ZNF148: variants seen among roughly 807,000 people sequenced by gnomAD.
The protein encoded by ZNF148 is Beta-Enolase Repressor Factor-1.
In ZNF148, 7 loss-of-function variants were observed where a neutral mutation model predicts 67.7. The observed-to-expected ratio is 0.10, with a 90% CI of 0.06 to 0.19. The LOEUF (loss-of-function observed/expected upper bound fraction) is 0.19, where lower values mean the gene tolerates loss of function less well. Ranked by LOEUF, ZNF148 falls within the 10% of genes least tolerant of loss-of-function variation. ZNF148 has a pLI of 1.00. For synonymous variants in ZNF148, 333 were observed against 330.7 expected, an observed-to-expected ratio of 1.01 and a Z score of -0.08; for missense variants, 583 against 947.1, an observed-to-expected ratio of 0.62 and a Z score of 5.05.
intron 4 of ZNF148, among the ~76,000 whole-genome samples, chr3:125,307,265 C>T (rs1465946522): frequency 6.6e-6 from 1 of 151,524 alleles, no homozygotes; most frequent in Non-Finnish European, 1.5e-5. Context: ...TCATTTCAAT[C>T]GATGCAGAAG....
intron 1 of ZNF148, among the ~76,000 whole-genome samples, chr3:125,365,153 CAT>C (rs1942662949): frequency 6.6e-6 from 1 of 152,206 alleles, no homozygotes; most frequent in African/African-American, 2.4e-5. Flanking sequence ...CGGACTGTGT[CAT>C]ATATAAACAT....
intron 1 of ZNF148, among the ~76,000 whole-genome samples, chr3:125,341,567 G>A (rs749228645): frequency 1.6e-4 from 24 of 151,968 alleles, no homozygotes; most frequent in Non-Finnish European, 3.2e-4. Flanking sequence ...GCGGTAGTGA[G>A]CTGTGATCAC....
chr3:125,272,574 CAAAAA>C (rs994557826), intron 7 of ZNF148, among the ~76,000 whole-genome samples: 27 of 151,260 alleles, frequency 1.8e-4, no homozygotes, highest in African/African-American at 6.3e-4. Flanking sequence ...TCCTCCTAAA[CAAAAA>C]AAATTTAAGT....
At chr3:125,245,947 G>T (rs530562704) in intron 7 of ZNF148, among the ~76,000 whole-genome samples, 6 of 152,262 alleles carry the variant, frequency 3.9e-5, no homozygotes, top group African/African-American at 1.4e-4. Flanking sequence ...CCTTTCTTGT[G>T]TCTGACCTGT....
intron 1 of ZNF148, chr3:125,344,492 C>A (rs1218476546): frequency 6.9e-6 from 8 of 1,152,344 alleles, no homozygotes; most frequent in Non-Finnish European, 1.0e-5. Flanking sequence ...CAAAAAAATT[C>A]CCTGAAGACA....
Position 125,232,966 on chromosome 3 carries a change from A to G in ZNF148, c.1760T>C (p.Val587Ala), listed in dbSNP as rs757785942. The G allele has an allele frequency of 2.6e-5, 42 of 1,613,868 alleles. 2 individuals carry two copies. In the South Asian group the frequency reaches 3.7e-4, roughly 14 times the overall value. ...EVPEVTPSEN[V>A]GSSSQASSSD... ...TGAGGATGCTTGGGAGCTTGATCCAACATTCTCTGACGGGGTGACCTCTGG... is the reference window on the plus strand; with the variant it reads ...TGAGGATGCTTGGGAGCTTGATCCAGCATTCTCTGACGGGGTGACCTCTGG... Residue 587 changes from valine to alanine, a missense_variant, in exon 9 of 9, where the codon GTT (valine) becomes GCT (alanine). By Grantham distance (64) the Val-to-Ala change is moderately conservative (BLOSUM62 0). Coordinates refer to ENST00000360647, the MANE Select transcript of ZNF148 (RefSeq NM_021964.3). The surrounding 1 kb of genome is among the most constrained non-coding windows in gnomAD (Gnocchi z 4.2).
At chr3:125,240,268 C>T (rs890986126) in intron 7 of ZNF148, among the ~76,000 whole-genome samples, 4 of 151,962 alleles carry the variant, frequency 2.6e-5, no homozygotes, top group African/African-American at 7.3e-5. Flanking sequence ...ATGAGGCAGG[C>T]GGATCACTTA....
intron 5 of ZNF148, among the ~76,000 whole-genome samples, chr3:125,284,554 G>T (rs1290468465): frequency 6.6e-6 from 1 of 151,890 alleles, no homozygotes; most frequent in Admixed American, 6.6e-5. Flanking sequence ...TCTCCTAGAG[G>T]GCTTCAACTG....
At chr3:125,299,697 A>G (rs992606130) in intron 4 of ZNF148, among the ~76,000 whole-genome samples, 9 of 152,316 alleles carry the variant, frequency 5.9e-5, no homozygotes, top group Middle Eastern at 3.4e-3. Context: ...TGATTCATCT[A>G]CTTGCCTGTT....
At chr3:125,337,572 A>G (rs1430081048) in intron 1 of ZNF148, among the ~76,000 whole-genome samples, 1 of 152,224 alleles carries the variant, frequency 6.6e-6, no homozygotes, top group Non-Finnish European at 1.5e-5. Flanking sequence ...ATGATGATCA[A>G]GATCACCCAG....
At chr3:125,347,355 T>C (rs891968394) in intron 1 of ZNF148, among the ~76,000 whole-genome samples, 2 of 152,128 alleles carry the variant, frequency 1.3e-5, no homozygotes, top group East Asian at 1.9e-4. Flanking sequence ...TCATATGGAA[T>C]TGCAAAGGAC....
chr3:125,262,201 T>A (rs1052926990), intron 7 of ZNF148, among the ~76,000 whole-genome samples: 4 of 152,222 alleles, frequency 2.6e-5, no homozygotes, highest in Non-Finnish European at 5.9e-5. Flanking sequence ...TATCAAGCAT[T>A]ATTCACCACT....
intron 6 of ZNF148, 113 bp from the exon 7 acceptor site, chr3:125,277,922 T>C (rs1313550541): frequency 1.1e-5 from 8 of 709,942 alleles, no homozygotes; most frequent in Admixed American, 6.9e-5. Flanking sequence ...AATTACAAAA[T>C]AGCCATACAA....
chr3:125,294,433 A>G (rs1366260384), intron 4 of ZNF148, among the ~76,000 whole-genome samples: 1 of 152,212 alleles, frequency 6.6e-6, no homozygotes, highest in Non-Finnish European at 1.5e-5. Flanking sequence ...ACATTAGGGG[A>G]AGCTGTGTGA....
intron 1 of ZNF148, among the ~76,000 whole-genome samples, chr3:125,350,423 G>A (rs112606212): frequency 2.0e-4 from 31 of 152,192 alleles, no homozygotes; most frequent in African/African-American, 6.7e-4. Context: ...CCTTGGCCTC[G>A]GCCTCCCCAG....
Position 125,230,859 on chromosome 3 carries a change from CT to C in ZNF148, c.*1481del, listed in dbSNP as rs753022505. On this transcript the variant is annotated 3_prime_UTR_variant, in exon 9 of 9. Coordinates refer to ENST00000360647, the MANE Select transcript of ZNF148 (RefSeq NM_021964.3). ...AAAAGTTGTAACAAAGAGTCAATAACTAATATAACTTCCAAAAATCAAAACT... is the reference window on the plus strand; with the variant it reads ...AAAAGTTGTAACAAAGAGTCAATAACAATATAACTTCCAAAAATCAAAACT... 2 of 152,012 alleles carry C rather than the reference CT, an allele frequency of 1.3e-5. No homozygotes were observed. The highest frequency in any genetic ancestry group is 2.4e-5 in the African/African-American group (1 of 41,372). The allele number at this position is 152,012 out of a possible 1,614,324, so 9.4% of individuals were successfully genotyped here. A position where few individuals can be genotyped will look rare whatever the true frequency, so the allele number is the denominator to read the frequency against.
chr3:125,313,009 C>A (rs538492921), intron 4 of ZNF148, among the ~76,000 whole-genome samples: 2 of 152,228 alleles, frequency 1.3e-5, no homozygotes, highest in Non-Finnish European at 2.9e-5. Context: ...AAATGTTTTA[C>A]TCTTTAAGGA....
chr3:125,327,027 T>C (rs750867903), intron 2 of ZNF148, among the ~76,000 whole-genome samples: 1 of 151,766 alleles, frequency 6.6e-6, no homozygotes, highest in African/African-American at 2.4e-5. Context: ...CAACAAGACA[T>C]ATCCTACATT....
At chr3:125,358,351 T>G (rs557363947) in intron 1 of ZNF148, among the ~76,000 whole-genome samples, 1 of 152,264 alleles carries the variant, frequency 6.6e-6, no homozygotes, top group African/African-American at 2.4e-5. Context: ...ATAAATCACT[T>G]CCATGATATC....
Sources: gnomAD v4.1 joint callset for allele counts (sites outside exome capture counted in the v4.1 genomes callset) on GRCh38, gnomAD v4.1.1 for gene constraint, Gnocchi (gnomAD v3.1) non-coding constraint, MANE v1.5 for transcripts, NCBI Gene and HGNC (gene_info 2026-07-23, HGNC 2026-07-21) for gene names.